The following ZNF496 variants were observed in gnomAD, a reference collection of about 807,000 sequenced individuals.
ZNF496 encodes NSD1 (nuclear receptor binding SET-domain containing 1)-interacting zinc finger protein 1.
In ZNF496, 11 loss-of-function variants were observed where a neutral mutation model predicts 58.9. The ratio of observed to expected loss-of-function variants is 0.19; its 90% CI spans 0.12 to 0.31. ZNF496 has a LOEUF of 0.31. ZNF496 is among the 10% of genes least tolerant of loss of function. The pLI is 1.00. For missense variants in ZNF496, 660 were observed against 783.0 expected, an observed-to-expected ratio of 0.84 and a Z score of 1.88; for synonymous variants, 338 against 318.2, an observed-to-expected ratio of 1.06 and a Z score of -0.66.
At chr1:247,316,136 GT>G (rs1202555840) in intron 6 of ZNF496, among the ~76,000 whole-genome samples, 18 of 8,728 alleles carry the variant, frequency 2.1e-3, no homozygotes, top group Admixed American at 6.5e-3. Context: ...TGGGAGAGGG[GT>G]GTGTGTGTGT....
At chr1:247,312,228 C>G (rs1417496093) in intron 6 of ZNF496, 1 of 152,142 alleles carries the variant, frequency 6.6e-6, no homozygotes, top group African/African-American at 2.4e-5. Flanking sequence ...AGCCAAATAT[C>G]CAATTGCAGT....
rs1660331414 is a variant in ZNF496 at position 247,331,630 on chromosome 1, G to C, written c.-352C>G. Reference sequence around the variant, plus strand: ...CATCCGGAAAGCCACGGCTCGGCTCGGGGGCAAATGGAGGCGCCTGAAAAA... The same window carrying C: ...CATCCGGAAAGCCACGGCTCGGCTCCGGGGCAAATGGAGGCGCCTGAAAAA... On this transcript the variant is annotated 5_prime_UTR_variant, in exon 2 of 10. Transcript: ENST00000682384. 2 of 152,236 alleles carry C rather than the reference G, an allele frequency of 1.3e-5. No individual in the cohort carries two copies. The highest frequency in any genetic ancestry group is 4.8e-5 in the African/African-American group (2 of 41,450). The allele number at this position is 152,236 out of a possible 1,614,324, so 9.4% of individuals were successfully genotyped here.
rs1558159975 is a variant in ZNF496 at position 247,329,670 on chromosome 1, C to G, written c.-37-55G>C. Reference sequence around the variant, plus strand: ...GTGTTCTGGTCTCCTGTGGTCATTTCTGGGGGACAGTGACAAGGAAACTGT... The same window carrying G: ...GTGTTCTGGTCTCCTGTGGTCATTTGTGGGGGACAGTGACAAGGAAACTGT... On this transcript the variant is annotated intron_variant, in intron 3 of 9. Transcript: ENST00000682384. This position sits in a 1 kb window ranked among gnomAD's most constrained non-coding sequence, Gnocchi z 5.5. 1 of 1,471,278 alleles carries G rather than the reference C, an allele frequency of 6.8e-7. No homozygotes were observed. The highest frequency in any genetic ancestry group is 9.1e-7 in the Non-Finnish European group (1 of 1,103,788). 91.1% of individuals were successfully genotyped at this position (1,471,278 alleles called of 1,614,324 possible).
rs144256603 is a variant in ZNF496, at chr1:247,318,348, G to T, written c.651+4806C>A. ...AAAAATCTAGCTTAAGAATTCCCAAGCTTGGAAAGAGACATAAACCTAGAA... is the reference window on the plus strand; with the variant it reads ...AAAAATCTAGCTTAAGAATTCCCAATCTTGGAAAGAGACATAAACCTAGAA... On this transcript the variant is annotated intron_variant, in intron 6 of 9. Coordinates refer to ENST00000682384, the MANE Select transcript of ZNF496 (RefSeq NM_032752.3). Among the ~76,000 whole-genome samples the T allele has an allele frequency of 5.9e-3, 904 of 152,260 alleles. 6 individuals carry two copies. Among genetic ancestry groups the T allele is most frequent in the African/African-American group, 0.02 (817 of 41,538 alleles).
chr1:247,318,656 G>C (rs1290266072), intron 6 of ZNF496, among the ~76,000 whole-genome samples: 1 of 152,074 alleles, frequency 6.6e-6, no homozygotes, highest in Non-Finnish European at 1.5e-5. Flanking sequence ...CTTCAGGAAT[G>C]ATGGGGAAAT....
chr1:247,310,785 A>G (rs1270866977), intron 6 of ZNF496: 3 of 229,562 alleles, frequency 1.3e-5, no homozygotes, highest in Non-Finnish European at 1.7e-5. Context: ...CATCTCCCCA[A>G]AAGTCTCCAC....
chr1:247,319,559 T>C (rs1325486315), intron 6 of ZNF496, among the ~76,000 whole-genome samples: 1 of 152,142 alleles, frequency 6.6e-6, no homozygotes. Flanking sequence ...TGACATTAAA[T>C]ACAAATGGTC....
Position 247,298,163 on chromosome 1 carries a change from C to G in ZNF496, c.*2356G>C, listed in dbSNP as rs958568527. The G allele has an allele frequency of 1.3e-5, 2 of 152,140 alleles. No individual in the cohort carries two copies. Among genetic ancestry groups the G allele is most frequent in the African/African-American group, 4.8e-5 (2 of 41,430 alleles). 9.4% of individuals were successfully genotyped at this position (152,140 alleles called of 1,614,324 possible). On this transcript the variant is annotated 3_prime_UTR_variant, in exon 10 of 10. Transcript: ENST00000682384. ...TCTCCCTTTTCCAGCTATGTTGATA[C>G]AAGAGACAAACTATTTAGAAAGTAA...
rs2103013756 is a variant in ZNF496 at position 247,299,572 on chromosome 1, C to T, written c.*947G>A. 6.6e-6 allele frequency: 1 copy of T among 152,386 alleles called. No individual in the cohort carries two copies. The highest frequency in any genetic ancestry group is 2.1e-4 in the South Asian group (1 of 4,832). 9.4% of individuals were successfully genotyped at this position (152,386 alleles called of 1,614,324 possible). A position where few individuals can be genotyped will look rare whatever the true frequency, so the allele number is the denominator to read the frequency against. ...ATCAAGTGTGTTGTCAGGCAAGGTTCTGTTCTGGAGCTTGGCTCACCCAGA... is the reference window on the plus strand; with the variant it reads ...ATCAAGTGTGTTGTCAGGCAAGGTTTTGTTCTGGAGCTTGGCTCACCCAGA... On this transcript the variant is annotated 3_prime_UTR_variant, in exon 10 of 10. Transcript: ENST00000682384.
At chr1:247,305,022 G>A (rs1659366288) in intron 9 of ZNF496, among the ~76,000 whole-genome samples, 1 of 152,174 alleles carries the variant, frequency 6.6e-6, no homozygotes, top group African/African-American at 2.4e-5. Context: ...AGGTCTTACA[G>A]GGGATGAATT....
At chr1:247,323,537 G>A (rs1046960425) in intron 5 of ZNF496, among the ~76,000 whole-genome samples, 4 of 152,078 alleles carry the variant, frequency 2.6e-5, no homozygotes, top group Admixed American at 6.6e-5. Flanking sequence ...ATGATAGCAC[G>A]GTCAATTAAA....
chr1:247,312,590 AC>A (rs892042257), intron 6 of ZNF496: 8 of 151,896 alleles, frequency 5.3e-5, no homozygotes, highest in African/African-American at 1.9e-4. Context: ...AAATAGCAAA[AC>A]CCTGTCTCTA....
At position 247,309,641 on chromosome 1, in the gene ZNF496, C is replaced by T. The variant is rs1281713215; in HGVS notation, c.892+58G>A. ...AGAAGCCAGAGAGTGGGCTCACCTC[C>T]GGCTGCCAGCAACCCTTCCCCCTAC... On this transcript the variant is annotated intron_variant, in intron 8 of 9. Transcript: ENST00000682384. This position sits in a 1 kb window ranked among gnomAD's most constrained non-coding sequence, Gnocchi z 4.3. The T allele has an allele frequency of 1.7e-5, 27 of 1,600,528 alleles. No homozygotes were observed. The highest frequency in any genetic ancestry group is 1.9e-5 in the Non-Finnish European group (22 of 1,172,478).
chr1:247,331,065 C>G (rs1206631246), intron 2 of ZNF496, among the ~76,000 whole-genome samples: 2 of 152,158 alleles, frequency 1.3e-5, no homozygotes, highest in Non-Finnish European at 2.9e-5. Flanking sequence ...CGGCCCCCTG[C>G]GGCGCCCATC....
Position 247,309,320 on chromosome 1 carries a change from A to T in ZNF496, c.892+379T>A. 1 of 965,928 alleles carries T rather than the reference A, an allele frequency of 1.0e-6. No individual in the cohort carries two copies. Among genetic ancestry groups the T allele is most frequent in the Non-Finnish European group, 1.3e-6 (1 of 790,692 alleles). 59.8% of individuals were successfully genotyped at this position (965,928 alleles called of 1,614,324 possible). ...AGACTAGACAGGTGAGGCACCTCAA[A>T]GGGCTGCGCTCGGTGCCCAGTTAGG... On this transcript the variant is annotated intron_variant, in intron 8 of 9. Transcript: ENST00000682384. This position sits in a 1 kb window ranked among gnomAD's most constrained non-coding sequence, Gnocchi z 4.3.
At chr1:247,310,168 T>C in intron 7 of ZNF496, 156 bp downstream of exon 7, 1 of 1,461,864 alleles carries the variant, frequency 6.8e-7, no homozygotes, top group Non-Finnish European at 9.0e-7. Context: ...GGCCGCTGTG[T>C]GCAAATGACC....
At chr1:247,312,462 C>T (rs374849611) in intron 6 of ZNF496, 3 of 152,148 alleles carry the variant, frequency 2.0e-5, no homozygotes, top group African/African-American at 7.2e-5. Flanking sequence ...AGAAATCACC[C>T]GTAATAGTCT....
Position 247,326,119 on chromosome 1 carries a change from TATAC to T in ZNF496, c.574+2560_574+2563del, listed in dbSNP as rs1268298928. 1.3e-3 allele frequency among the ~76,000 whole-genome samples: 189 copies of T among 149,622 alleles called. 5 individuals carry two copies. Among genetic ancestry groups the T allele is most frequent in the Admixed American group, 0.013 (188 of 14,924 alleles). Reference sequence around the variant, plus strand: ...ACACATATATATACACACACATATATATACATACATATATATATATACACACATA... The same window carrying T: ...ACACATATATATACACACACATATATATACATATATATATATACACACATA... On this transcript the variant is annotated intron_variant, in intron 5 of 9. Coordinates refer to ENST00000682384, the MANE Select transcript of ZNF496 (RefSeq NM_032752.3).
rs1467655208 is a variant in ZNF496 at position 247,318,525 on chromosome 1, G to C, written c.651+4629C>G. On this transcript the variant is annotated intron_variant, in intron 6 of 9. Coordinates refer to ENST00000682384, the MANE Select transcript of ZNF496 (RefSeq NM_032752.3). ...ATAATACCTTCCTTACAGGGAAAAA[G>C]TTTTTGAATGACAGCAGATTTCTCA... 5.3e-5 allele frequency among the ~76,000 whole-genome samples: 8 copies of C among 152,336 alleles called. No homozygotes were observed. The East Asian group carries it at 7.7e-4, about 15-fold the overall frequency.
Sources: gnomAD v4.1 joint callset for allele counts (sites outside exome capture counted in the v4.1 genomes callset) on GRCh38, gnomAD v4.1.1 for gene constraint, Gnocchi (gnomAD v3.1) non-coding constraint, MANE v1.5 for transcripts, NCBI Gene and HGNC (gene_info 2026-07-23, HGNC 2026-07-21) for gene names.